Variants in DISP1 observed in about 807,000 individuals in gnomAD.
DISP1 encodes dispatched RND transporter family member 1.
DISP1 carries 30 observed loss-of-function variants against 37.3 expected under a neutral mutation model. That is an observed-to-expected ratio of 0.80 (90% CI 0.60 to 1.09). The LOEUF is 1.09. Ranked by LOEUF, DISP1 falls within the 50% of genes least tolerant of loss-of-function variation. DISP1 has a pLI of 0.00. For missense variants in DISP1, 1,598 were observed against 1,879.5 expected (o/e 0.85, Z 2.77); for synonymous variants, 634 against 690.2 (o/e 0.92, Z 1.28).
At chr1:222,824,280 C>G (rs761817594) in intron 1 of DISP1, among the ~76,000 whole-genome samples, 2 of 152,040 alleles carry the variant, frequency 1.3e-5, no homozygotes, top group African/African-American at 2.4e-5. Flanking sequence ...ATCATATATG[C>G]CAGACACTGC....
intron 4 of DISP1, among the ~76,000 whole-genome samples, chr1:222,986,670 A>G (rs1678296541): frequency 6.6e-6 from 1 of 152,204 alleles, no homozygotes; most frequent in African/African-American, 2.4e-5. Context: ...CTTCTGTAAA[A>G]GGAGAATGAG....
chr1:222,973,700 C>A (rs1677112597), intron 3 of DISP1, among the ~76,000 whole-genome samples: 1 of 152,108 alleles, frequency 6.6e-6, no homozygotes, highest in Non-Finnish European at 1.5e-5. Flanking sequence ...TTGCATATGC[C>A]CTCTTGTGCA....
In DISP1 at chr1:222,870,242, A is replaced by G. The variant is rs574880291; in HGVS notation, c.-159+55164A>G. ...CTTTGCTATTGTGAATAGTGCCGCA[A>G]TAAACATACGTGTGCATGTGTCTTT... is the stretch of plus-strand genomic sequence containing the variant. On this transcript the variant is annotated intron_variant, in intron 1 of 8. Coordinates refer to ENST00000675850, the MANE Select transcript of DISP1 (RefSeq NM_001377229.1). Among the ~76,000 whole-genome samples, 14 of 152,296 alleles carry G rather than the reference A, an allele frequency of 9.2e-5. No homozygotes were observed. In the East Asian group the frequency reaches 9.6e-4, roughly 10 times the overall value.
At chr1:222,873,468 T>C (rs2125350309) in intron 1 of DISP1, among the ~76,000 whole-genome samples, 1 of 152,312 alleles carries the variant, frequency 6.6e-6, no homozygotes, top group South Asian at 2.1e-4. Context: ...CTGTATTGGG[T>C]GCATATATAT....
chr1:222,874,517 C>T (rs942766977), intron 1 of DISP1, among the ~76,000 whole-genome samples: 1 of 152,068 alleles, frequency 6.6e-6, no homozygotes, highest in African/African-American at 2.4e-5. Flanking sequence ...TTTCGTCTTC[C>T]ATCACTGATA....
intron 1 of DISP1, among the ~76,000 whole-genome samples, chr1:222,883,367 C>G (rs1427605107): frequency 6.6e-6 from 1 of 152,168 alleles, no homozygotes; most frequent in Non-Finnish European, 1.5e-5. Context: ...CATCTGTAAT[C>G]CCAGCACTTT....
intron 1 of DISP1, among the ~76,000 whole-genome samples, chr1:222,923,460 G>T (rs1475664173): frequency 6.6e-6 from 1 of 152,162 alleles, no homozygotes; most frequent in African/African-American, 2.4e-5. Context: ...GGGGAGCAAA[G>T]ATACAGTGGA....
chr1:222,855,217 CT>C (rs1470690378), intron 1 of DISP1, among the ~76,000 whole-genome samples: 1 of 152,198 alleles, frequency 6.6e-6, no homozygotes, highest in Non-Finnish European at 1.5e-5. Context: ...CACCTGTGCT[CT>C]CTTATTCTTT....
At chr1:222,887,716 T>C in intron 1 of DISP1, among the ~76,000 whole-genome samples, 1 of 112,902 alleles carries the variant, frequency 8.9e-6, no homozygotes, top group Middle Eastern at 3.6e-3. Flanking sequence ...GCCAGGATGG[T>C]CTCGATCTCC....
In DISP1 at chr1:222,917,032, C is replaced by T. The variant is rs201563247; in HGVS notation, c.-158-11398C>T. 3.3e-4 allele frequency among the ~76,000 whole-genome samples: 50 copies of T among 152,218 alleles called. 1 individual carries two copies. In the East Asian group the frequency reaches 8.5e-3, roughly 26 times the overall value. On this transcript the variant is annotated intron_variant, in intron 1 of 8. Coordinates refer to ENST00000675850, the MANE Select transcript of DISP1 (RefSeq NM_001377229.1). ...TTCTTGTGATTAGGCACATTTGAAG[C>T]CTGTTAGCAATAATGTGAACCTGTG...
intron 1 of DISP1, among the ~76,000 whole-genome samples, chr1:222,835,546 G>T (rs1310113297): frequency 6.6e-6 from 1 of 152,148 alleles, no homozygotes; most frequent in Non-Finnish European, 1.5e-5. Context: ...AGGTGCATTT[G>T]GAATCATCCC....
At chr1:222,836,961 TAC>T in intron 1 of DISP1, 1 of 398,036 alleles carries the variant, frequency 2.5e-6, no homozygotes, top group South Asian at 1.3e-4. Context: ...CTGCCAAATA[TAC>T]TCCAGTAGCC....
At chr1:222,936,796 T>G (rs1297436026) in intron 2 of DISP1, among the ~76,000 whole-genome samples, 7 of 40,356 alleles carry the variant, frequency 1.7e-4, no homozygotes, top group African/African-American at 5.4e-4. Flanking sequence ...ATATATATAA[T>G]ATATTATATA....
chr1:222,842,282 G>A (rs145842259), intron 1 of DISP1, among the ~76,000 whole-genome samples: 483 of 149,710 alleles, frequency 3.2e-3, no homozygotes, highest in African/African-American at 0.011. Flanking sequence ...CCAAATTCAC[G>A]GAGGCATCTG....
intron 3 of DISP1, among the ~76,000 whole-genome samples, chr1:222,954,477 A>G (rs960551040): frequency 6.6e-6 from 1 of 152,250 alleles, no homozygotes; most frequent in African/African-American, 2.4e-5. Flanking sequence ...TTCTCAAAAT[A>G]CATCTTTTTC....
chr1:222,985,573 C>A (rs1678215790), intron 4 of DISP1, among the ~76,000 whole-genome samples: 1 of 152,128 alleles, frequency 6.6e-6, no homozygotes, highest in South Asian at 2.1e-4. Flanking sequence ...TTGCTTGAAC[C>A]CGGGAGGTGG....
chr1:222,878,232 T>G (rs937780358), intron 1 of DISP1, among the ~76,000 whole-genome samples: 12 of 152,248 alleles, frequency 7.9e-5, no homozygotes, highest in African/African-American at 2.4e-4. Flanking sequence ...GAGCTAGTAC[T>G]GATAGCTTTT....
intron 2 of DISP1, among the ~76,000 whole-genome samples, chr1:222,936,787 T>G (rs1412977025): frequency 8.2e-4 from 45 of 55,046 alleles, no homozygotes; most frequent in South Asian, 1.1e-3. Flanking sequence ...TCATATATAA[T>G]ATATATAATA....
chr1:222,943,490 A>G (rs1427520521), intron 3 of DISP1, 158 bp downstream of exon 3: 4 of 935,950 alleles, frequency 4.3e-6, no homozygotes, highest in Non-Finnish European at 4.9e-6. Flanking sequence ...ACAAAAACGC[A>G]AATAAAATAA....
Sources: gnomAD v4.1 joint callset for allele counts (sites outside exome capture counted in the v4.1 genomes callset) on GRCh38, gnomAD v4.1.1 for gene constraint, MANE v1.5 for transcripts, NCBI Gene and HGNC (gene_info 2026-07-23, HGNC 2026-07-21) for gene names.